The following CEP192 variants were observed in gnomAD, a reference collection of about 807,000 sequenced individuals.
CEP192 encodes centrosomal protein 192, also known as centrosomal protein of 192 kDa.
Under a neutral mutation model 271.8 loss-of-function variants are expected in CEP192, and 151 were observed. The observed-to-expected ratio is 0.56, with a 90% CI of 0.49 to 0.64. CEP192 has a LOEUF of 0.64. Among genes scored for constraint, CEP192 ranks in the 30% least tolerant of loss-of-function variants. The pLI is 0.00. For missense variants in CEP192, 2,910 were observed against 3,020.5 expected (o/e 0.96, Z 0.86); for synonymous variants, 995 against 1,076.5 (o/e 0.92, Z 1.48).
chr18:13,043,502 A>G (rs1169839554), intron 15 of CEP192, among the ~76,000 whole-genome samples: 1 of 152,148 alleles, frequency 6.6e-6, no homozygotes, highest in Admixed American at 6.5e-5. Flanking sequence ...TGACACTTGA[A>G]TATTGTAACT....
At chr18:12,994,856 T>G (rs543708388) in intron 1 of CEP192, among the ~76,000 whole-genome samples, 2 of 152,102 alleles carry the variant, frequency 1.3e-5, no homozygotes, top group East Asian at 3.9e-4. Context: ...AAGTCTGAGG[T>G]CAGAATCCTG....
At chr18:13,025,963 C>T (rs2035275246) in intron 9 of CEP192, among the ~76,000 whole-genome samples, 1 of 152,092 alleles carries the variant, frequency 6.6e-6, no homozygotes, top group Non-Finnish European at 1.5e-5. Flanking sequence ...GATGCTCTTC[C>T]TTTCTTTGTA....
chr18:13,052,483 T>C (rs2036850504), intron 17 of CEP192, among the ~76,000 whole-genome samples: 2 of 152,226 alleles, frequency 1.3e-5, no homozygotes, highest in Non-Finnish European at 2.9e-5. Flanking sequence ...GCCTTTGATA[T>C]GTACTGCTTA....
chr18:12,997,374 G>A (rs2033320797), intron 1 of CEP192, among the ~76,000 whole-genome samples: 1 of 152,134 alleles, frequency 6.6e-6, no homozygotes, highest in Non-Finnish European at 1.5e-5. Context: ...CGGCAGGGGG[G>A]AATCTGTGCA....
intron 11 of CEP192, among the ~76,000 whole-genome samples, chr18:13,032,484 C>A (rs67955156): frequency 0.14 from 20,544 of 151,998 alleles, 1,538 homozygotes; most frequent in East Asian, 0.31. Context: ...TGATGCAGAC[C>A]GAATGGTGGA....
chr18:13,038,975 A>C (rs1452562239), intron 13 of CEP192, among the ~76,000 whole-genome samples: 1 of 152,230 alleles, frequency 6.6e-6, no homozygotes, highest in Non-Finnish European at 1.5e-5. Flanking sequence ...CTATTGTCTA[A>C]AGAGATGTTT....
At chr18:13,024,242 A>C in intron 9 of CEP192, 1 of 450,830 alleles carries the variant, frequency 2.2e-6, no homozygotes. Context: ...ATTATGTAGT[A>C]CCCTGCCTTA....
chr18:13,015,906 T>A (rs985030100), intron 6 of CEP192, among the ~76,000 whole-genome samples: 1 of 152,168 alleles, frequency 6.6e-6, no homozygotes, highest in Admixed American at 6.5e-5. Flanking sequence ...CCACCATGTC[T>A]GGCTAATTTT....
chr18:13,079,207 C>T (rs980171719), intron 30 of CEP192, among the ~76,000 whole-genome samples: 6 of 152,196 alleles, frequency 3.9e-5, no homozygotes, highest in Non-Finnish European at 8.8e-5. Flanking sequence ...TGAGGAATTG[C>T]CACACTCTCT....
At chr18:13,048,290 A>G (rs1436014120) in intron 15 of CEP192, among the ~76,000 whole-genome samples, 2 of 152,162 alleles carry the variant, frequency 1.3e-5, no homozygotes, top group African/African-American at 4.8e-5. Context: ...TCTTTTGTCC[A>G]GCTTCTCCAC....
Position 13,068,186 on chromosome 18 carries a change from A to G in CEP192, c.4707A>G (p.Leu1569=). The stretch of plus-strand genomic sequence containing the variant: ...CTTGCGCTGATGTGGTCACTCGGCT[A>G]GCAGGCCCTTCTGTGGTCAACCACA... ...VAPCADVVTR[L]AGPSVVNHMM... The change falls in exon 23 of 45, where the codon CTA becomes CTG. Residue 1569 remains leucine, a synonymous_variant. Coordinates refer to ENST00000506447, the MANE Select transcript of CEP192 (RefSeq NM_032142.4). The G allele has an allele frequency of 6.2e-7, 1 of 1,614,252 alleles. No individual in the cohort carries two copies. Among genetic ancestry groups the G allele is most frequent in the Non-Finnish European group, 8.5e-7 (1 of 1,180,042 alleles).
chr18:13,036,238 C>CT (rs1405343831), intron 11 of CEP192, among the ~76,000 whole-genome samples: 3 of 152,132 alleles, frequency 2.0e-5, no homozygotes, highest in African/African-American at 7.2e-5. Flanking sequence ...GGTAGGAAGC[C>CT]TCAGTGGGCT....
intron 21 of CEP192, among the ~76,000 whole-genome samples, chr18:13,061,196 G>A (rs1007795863): frequency 2.6e-5 from 4 of 152,140 alleles, no homozygotes; most frequent in South Asian, 2.1e-4. Context: ...GGTGGCGGGC[G>A]CCTGTAATCC....
chr18:13,051,637 A>G (rs2036799017), intron 17 of CEP192, among the ~76,000 whole-genome samples: 1 of 152,032 alleles, frequency 6.6e-6, no homozygotes, highest in African/African-American at 2.4e-5. Flanking sequence ...GCCGCCTCCC[A>G]GGTTCACGCC....
At chr18:13,085,483 G>A (rs1184218638) in intron 30 of CEP192, among the ~76,000 whole-genome samples, 1 of 152,200 alleles carries the variant, frequency 6.6e-6, no homozygotes, top group Admixed American at 6.5e-5. Flanking sequence ...TCTGTGTCCT[G>A]AATGGTATTG....
intron 18 of CEP192, among the ~76,000 whole-genome samples, chr18:13,053,492 G>A (rs1277397410): frequency 1.3e-5 from 2 of 152,142 alleles, no homozygotes; most frequent in African/African-American, 4.8e-5. Context: ...GTTAACACAT[G>A]GGGAGGTGGA....
chr18:13,079,631 T>C (rs2038484251), intron 30 of CEP192, among the ~76,000 whole-genome samples: 1 of 152,232 alleles, frequency 6.6e-6, no homozygotes, highest in Non-Finnish European at 1.5e-5. Context: ...GCAGAAGCTC[T>C]TTAGTTTAAT....
intron 30 of CEP192, among the ~76,000 whole-genome samples, chr18:13,082,344 C>G (rs565133134): frequency 6.7e-6 from 1 of 148,762 alleles, no homozygotes; most frequent in East Asian, 2.0e-4. Flanking sequence ...GAATTGATCT[C>G]TTATGATTAT....
intron 21 of CEP192, among the ~76,000 whole-genome samples, chr18:13,063,987 A>G (rs1459109676): frequency 6.7e-6 from 1 of 149,316 alleles, no homozygotes; most frequent in African/African-American, 2.5e-5. Context: ...CGCCTGGCTA[A>G]TTTTTGTATT....
Sources: gnomAD v4.1 joint callset for allele counts (sites outside exome capture counted in the v4.1 genomes callset) on GRCh38, gnomAD v4.1.1 for gene constraint, MANE v1.5 for transcripts, NCBI Gene and HGNC (gene_info 2026-07-23, HGNC 2026-07-21) for gene names.